Variants in LAMC1 observed in about 807,000 individuals in gnomAD.
The protein encoded by LAMC1 is laminin subunit gamma 1.
In LAMC1, 38 loss-of-function variants were observed where a neutral mutation model predicts 173.6. That is an observed-to-expected ratio of 0.22 (90% confidence interval 0.17 to 0.29). LAMC1 has a LOEUF of 0.29. Among genes scored for constraint, LAMC1 ranks in the 10% least tolerant of loss-of-function variants. LAMC1 has a pLI of 1.00. For synonymous variants in LAMC1, 746 were observed against 749.1 expected, an observed-to-expected ratio of 1.00 and a Z score of 0.07; for missense variants, 1,824 against 2,051.8, an observed-to-expected ratio of 0.89 and a Z score of 2.14.
At chr1:183,096,099 C>A (rs1214483621) in intron 1 of LAMC1, among the ~76,000 whole-genome samples, 3 of 152,146 alleles carry the variant, frequency 2.0e-5, no homozygotes, top group Non-Finnish European at 4.4e-5. Flanking sequence ...TTAGGCAATG[C>A]AAGCAGAAAG....
intron 1 of LAMC1, among the ~76,000 whole-genome samples, chr1:183,101,997 C>G (rs578262635): frequency 6.6e-6 from 1 of 152,264 alleles, no homozygotes; most frequent in South Asian, 2.1e-4. Flanking sequence ...CCTGAATTGA[C>G]CTCACCCACT....
At chr1:183,133,619 T>TC in intron 22 of LAMC1, 69 bp downstream of exon 22, 5 of 1,409,210 alleles carry the variant, frequency 3.5e-6, no homozygotes, top group Non-Finnish European at 4.8e-6. Flanking sequence ...AGCCGACTGC[T>TC]CTGCACCTCC....
chr1:183,089,197 T>C (rs1655505765), intron 1 of LAMC1, among the ~76,000 whole-genome samples: 1 of 152,136 alleles, frequency 6.6e-6, no homozygotes, highest in Non-Finnish European at 1.5e-5. Flanking sequence ...AATAGAAAGG[T>C]AGAACAAGTC....
chr1:183,137,987 A>G, intron 26 of LAMC1, 160 bp downstream of exon 26: 1 of 652,992 alleles, frequency 1.5e-6, no homozygotes. Context: ...GAAGACAAAG[A>G]ATTTGGATCT....
At chr1:183,119,193 G>A (rs767184101) in intron 11 of LAMC1, among the ~76,000 whole-genome samples, 1 of 151,978 alleles carries the variant, frequency 6.6e-6, no homozygotes, top group African/African-American at 2.4e-5. Flanking sequence ...CCCTGCACCC[G>A]GTCAAAATTT....
intron 1 of LAMC1, among the ~76,000 whole-genome samples, chr1:183,082,956 C>A (rs1003627813): frequency 6.6e-6 from 1 of 152,128 alleles, no homozygotes; most frequent in Non-Finnish European, 1.5e-5. Context: ...AGTTCTCTGG[C>A]CTCAGAAAAC....
At position 183,125,226 on chromosome 1, in the gene LAMC1, A is replaced by G. The variant is rs1056675663; in HGVS notation, c.2648-171A>G. 8 of 660,384 alleles carry G rather than the reference A, an allele frequency of 1.2e-5. No individual in the cohort carries two copies. The African/African-American group carries it at 1.4e-4, about 12-fold the overall frequency. The allele number at this position is 660,384 out of a possible 1,614,324, so 40.9% of individuals were successfully genotyped here. ...AATCCAGTGTGTATCTCACGTTTAT[A>G]GCACATCTCAATTCAGACTCACCAG... On this transcript the variant is annotated intron_variant, in intron 14 of 27. Coordinates refer to ENST00000258341, the MANE Select transcript of LAMC1 (RefSeq NM_002293.4).
intron 1 of LAMC1, among the ~76,000 whole-genome samples, chr1:183,041,675 G>A (rs950871099): frequency 7.2e-5 from 11 of 152,084 alleles, no homozygotes; most frequent in Non-Finnish European, 8.8e-5. Context: ...GCATAGTACC[G>A]GAGACAGGGC....
Position 183,127,379 on chromosome 1 carries a change from C to G in LAMC1, c.3098C>G (p.Ala1033Gly). 1 of 1,614,084 alleles carries G rather than the reference C, an allele frequency of 6.2e-7. No individual in the cohort carries two copies. The highest frequency in any genetic ancestry group is 8.5e-7 in the Non-Finnish European group (1 of 1,179,984). The part of the protein sequence containing the change: ...RSWPGCQECP[A>G]CYRLVKDKVA... ...TGGCCTGGCTGCCAGGAATGTCCAG[C>G]TTGTTACCGGCTGGTAAAGGATAAG... Residue 1033 changes from alanine to glycine, a missense_variant, in exon 17 of 28, where the codon GCT becomes GGT. Ala to Gly is a moderately conservative substitution (Grantham distance 60). Transcript: ENST00000258341.
At position 183,125,229 on chromosome 1, in the gene LAMC1, A is replaced by G; in HGVS notation, c.2648-168A>G. The G allele has an allele frequency of 6.0e-6, 4 of 666,548 alleles. No individual in the cohort carries two copies. In the South Asian group the frequency reaches 7.4e-5, roughly 12 times the overall value. The allele number at this position is 666,548 out of a possible 1,614,324, so 41.3% of individuals were successfully genotyped here. ...CCAGTGTGTATCTCACGTTTATAGC[A>G]CATCTCAATTCAGACTCACCAGCCA... On this transcript the variant is annotated intron_variant, in intron 14 of 27. Coordinates refer to ENST00000258341, the MANE Select transcript of LAMC1 (RefSeq NM_002293.4).
chr1:183,115,700 A>C (rs942594487), intron 6 of LAMC1, 63 bp downstream of exon 6: 18 of 1,070,702 alleles, frequency 1.7e-5, no homozygotes, highest in Non-Finnish European at 2.5e-5. Context: ...ACATATTAAT[A>C]GATCTTATGG....
intron 1 of LAMC1, among the ~76,000 whole-genome samples, chr1:183,054,082 G>A (rs1437262408): frequency 6.6e-6 from 1 of 152,162 alleles, no homozygotes; most frequent in Non-Finnish European, 1.5e-5. Context: ...TTGATTTGTT[G>A]TTCTGAATAG....
intron 4 of LAMC1, among the ~76,000 whole-genome samples, chr1:183,113,506 A>G (rs1656225876): frequency 6.6e-6 from 1 of 152,232 alleles, no homozygotes; most frequent in Non-Finnish European, 1.5e-5. Flanking sequence ...AACTCAGAAA[A>G]AAATCTTTTT....
chr1:183,045,013 A>C (rs12144261), intron 1 of LAMC1, among the ~76,000 whole-genome samples: 1 of 151,578 alleles, frequency 6.6e-6, no homozygotes, highest in African/African-American at 2.4e-5. Context: ...CATTCTTAAT[A>C]CTGATTTCCA....
chr1:183,072,666 G>A (rs1438330242), intron 1 of LAMC1, among the ~76,000 whole-genome samples: 1 of 152,212 alleles, frequency 6.6e-6, no homozygotes, highest in Non-Finnish European at 1.5e-5. Context: ...TAGGAACTGG[G>A]CTGCACAGCA....
intron 1 of LAMC1, among the ~76,000 whole-genome samples, chr1:183,090,786 C>T (rs1443565090): frequency 6.6e-6 from 1 of 152,126 alleles, no homozygotes; most frequent in East Asian, 1.9e-4. Flanking sequence ...TTCACTGCAA[C>T]TGCTGCTTAT....
At chr1:183,029,780 A>T (rs1052846284) in intron 1 of LAMC1, among the ~76,000 whole-genome samples, 1 of 152,204 alleles carries the variant, frequency 6.6e-6, no homozygotes, top group African/African-American at 2.4e-5. Flanking sequence ...TTTTTGAAGG[A>T]CGAGTCAGGG....
chr1:183,056,019 T>C (rs940659659), intron 1 of LAMC1, among the ~76,000 whole-genome samples: 3 of 152,222 alleles, frequency 2.0e-5, no homozygotes, highest in Non-Finnish European at 4.4e-5. Context: ...GTGGCATTTT[T>C]ATATTTTTAT....
intron 1 of LAMC1, among the ~76,000 whole-genome samples, chr1:183,074,269 TA>T (rs983292337): frequency 6.6e-6 from 1 of 152,252 alleles, no homozygotes; most frequent in African/African-American, 2.4e-5. Context: ...TAGCACTTTT[TA>T]TTCTCTTGAG....
Sources: gnomAD v4.1 joint callset for allele counts (sites outside exome capture counted in the v4.1 genomes callset) on GRCh38, gnomAD v4.1.1 for gene constraint, MANE v1.5 for transcripts, NCBI Gene and HGNC (gene_info 2026-07-23, HGNC 2026-07-21) for gene names.